LCLAT1: variants seen among roughly 807,000 people sequenced by gnomAD.
The protein encoded by LCLAT1 is lysocardiolipin acyltransferase 1.
LCLAT1 carries 11 observed loss-of-function variants against 30.7 expected under a neutral mutation model. The ratio of observed to expected loss-of-function variants is 0.36; its 90% CI spans 0.23 to 0.59. The LOEUF (loss-of-function observed/expected upper bound fraction) is 0.59, where lower values mean the gene tolerates loss of function less well. LCLAT1 is among the 20% of genes least tolerant of loss of function. LCLAT1 has a pLI of 0.77. For synonymous variants in LCLAT1, 155 were observed against 151.3 expected (o/e 1.02, Z -0.18); for missense variants, 402 against 458.6 (o/e 0.88, Z 1.13).
chr2:30,607,929 A>G (rs1572691268), intron 5 of LCLAT1: 1 of 162,832 alleles, frequency 6.1e-6, no homozygotes, highest in Non-Finnish European at 1.3e-5. Flanking sequence ...TTTTTAAAAA[A>G]GTTTTTATAA....
intron 3 of LCLAT1, among the ~76,000 whole-genome samples, chr2:30,545,288 C>T (rs1487881193): frequency 1.3e-5 from 2 of 152,038 alleles, no homozygotes; most frequent in Non-Finnish European, 2.9e-5. Flanking sequence ...TGAGACTATA[C>T]CAGTTTTACC....
At chr2:30,619,796 T>C (rs1668158082) in intron 5 of LCLAT1, among the ~76,000 whole-genome samples, 1 of 152,182 alleles carries the variant, frequency 6.6e-6, no homozygotes, top group African/African-American at 2.4e-5. Flanking sequence ...CTTTAAGTTT[T>C]TCCCCCCAAT....
intron 1 of LCLAT1, among the ~76,000 whole-genome samples, chr2:30,499,952 A>T (rs1684292919): frequency 6.6e-6 from 1 of 152,154 alleles, no homozygotes; most frequent in African/African-American, 2.4e-5. Flanking sequence ...ATTTTTGTAA[A>T]TCTAGAGAAT....
At chr2:30,620,793 A>G (rs1668209113) in intron 5 of LCLAT1, among the ~76,000 whole-genome samples, 1 of 152,196 alleles carries the variant, frequency 6.6e-6, no homozygotes, top group Non-Finnish European at 1.5e-5. Flanking sequence ...TCGTTTTCTT[A>G]TAGTTCTGGA....
chr2:30,527,899 G>T (rs572866410), intron 2 of LCLAT1, among the ~76,000 whole-genome samples: 4 of 152,150 alleles, frequency 2.6e-5, no homozygotes, highest in African/African-American at 7.2e-5. Flanking sequence ...AAATATAGTG[G>T]CTCCAATACA....
At chr2:30,531,008 G>C in intron 2 of LCLAT1, among the ~76,000 whole-genome samples, 1 of 152,180 alleles carries the variant, frequency 6.6e-6, no homozygotes, top group East Asian at 1.9e-4. Context: ...GCTCATGCCT[G>C]TAATCCCAGC....
At chr2:30,459,519 T>C (rs978059782) in intron 1 of LCLAT1, 2 of 849,056 alleles carry the variant, frequency 2.4e-6, no homozygotes, top group Non-Finnish European at 4.0e-6. Context: ...AACTCTGCTT[T>C]CTCTTTTTTT....
intron 5 of LCLAT1, among the ~76,000 whole-genome samples, chr2:30,587,365 C>G (rs773908692): frequency 1.3e-5 from 2 of 152,056 alleles, no homozygotes; most frequent in Admixed American, 6.5e-5. Context: ...CAACATCTTT[C>G]TCATGCGGTT....
At chr2:30,458,935 CTGAG>C (rs1681966619) in intron 1 of LCLAT1, among the ~76,000 whole-genome samples, 1 of 152,172 alleles carries the variant, frequency 6.6e-6, no homozygotes, top group Non-Finnish European at 1.5e-5. Flanking sequence ...ATATTTATAA[CTGAG>C]TAACATTCAT....
At chr2:30,613,586 G>A (rs909987257) in intron 5 of LCLAT1, among the ~76,000 whole-genome samples, 3 of 142,272 alleles carry the variant, frequency 2.1e-5, no homozygotes, top group Admixed American at 1.4e-4. Context: ...AAGGGGAACC[G>A]GGGAACCAGC....
Position 30,521,981 on chromosome 2 carries a change from C to T in LCLAT1, c.-4-3606C>T, listed in dbSNP as rs572004300. Among the ~76,000 whole-genome samples, 186 of 152,314 alleles carry T rather than the reference C, an allele frequency of 1.2e-3. 2 individuals are homozygous for T. The highest frequency in any genetic ancestry group is 4.4e-3 in the African/African-American group (183 of 41,564). ...CATATCTTTTGAGTCTGGCCTCTTT[C>T]ATTCAGCATAATACATTTGAGATTA... On this transcript the variant is annotated intron_variant, in intron 1 of 5. Transcript: ENST00000379509.
At chr2:30,509,910 T>G (rs1297976480) in intron 1 of LCLAT1, among the ~76,000 whole-genome samples, 2 of 152,174 alleles carry the variant, frequency 1.3e-5, no homozygotes, top group Admixed American at 6.5e-5. Context: ...TCAGCTGATG[T>G]GGAAGCCAAA....
chr2:30,461,291 A>G (rs1039303909), intron 1 of LCLAT1, among the ~76,000 whole-genome samples: 12 of 152,148 alleles, frequency 7.9e-5, no homozygotes, highest in African/African-American at 2.7e-4. Flanking sequence ...CTCAGAGTGC[A>G]GTGTGCTTAC....
At chr2:30,526,795 C>T (rs183319100) in intron 2 of LCLAT1, among the ~76,000 whole-genome samples, 1 of 152,258 alleles carries the variant, frequency 6.6e-6, no homozygotes, top group Admixed American at 6.5e-5. Context: ...AATATCTTAT[C>T]CTAATTGTAG....
At position 30,479,104 on chromosome 2, in the gene LCLAT1, A is replaced by T. The variant is rs150403066; in HGVS notation, c.-5+31721A>T. On this transcript the variant is annotated intron_variant, in intron 1 of 5. Coordinates refer to ENST00000379509, the MANE Select transcript of LCLAT1 (RefSeq NM_001002257.3). ...ACATTTTGGGATATTTATACAGTGA[A>T]ATACCGTACAGCAATGAGCAAGAAG... Among the ~76,000 whole-genome samples, 5 of 152,358 alleles carry T rather than the reference A, an allele frequency of 3.3e-5. No individual in the cohort carries two copies. In the East Asian group the frequency reaches 9.6e-4, roughly 29 times the overall value.
chr2:30,506,660 T>C (rs921983610), intron 1 of LCLAT1, among the ~76,000 whole-genome samples: 4 of 152,202 alleles, frequency 2.6e-5, no homozygotes, highest in African/African-American at 9.6e-5. Flanking sequence ...ACAGTTCTCA[T>C]TGGGGGAATA....
At chr2:30,628,858 A>G (rs763579577) in intron 5 of LCLAT1, among the ~76,000 whole-genome samples, 7 of 152,200 alleles carry the variant, frequency 4.6e-5, no homozygotes, top group Admixed American at 6.5e-5. Context: ...GACAGACAAA[A>G]CTAGGAATCC....
intron 3 of LCLAT1, among the ~76,000 whole-genome samples, chr2:30,552,938 A>T (rs1664747225): frequency 6.6e-6 from 1 of 152,158 alleles, no homozygotes; most frequent in South Asian, 2.1e-4. Context: ...TTTATTCAGG[A>T]TTGAAAATAA....
chr2:30,484,282 A>G (rs1344718621), intron 1 of LCLAT1, among the ~76,000 whole-genome samples: 2 of 152,296 alleles, frequency 1.3e-5, no homozygotes, highest in South Asian at 2.1e-4. Flanking sequence ...AAGGTTCTGC[A>G]GGGATTTCCC....
Sources: allele counts gnomAD v4.1 joint callset (sites outside exome capture counted in the v4.1 genomes callset), GRCh38; gene constraint gnomAD v4.1.1; transcripts MANE v1.5; gene names NCBI Gene and HGNC (gene_info 2026-07-23, HGNC 2026-07-21).